The following NHSL2 variants were observed in gnomAD, a reference collection of about 807,000 sequenced individuals.
NHSL2 encodes NHS-like protein 2.
In NHSL2, 27 loss-of-function variants were observed where a neutral mutation model predicts 53.4. That is an observed-to-expected ratio of 0.51 (90% CI 0.37 to 0.70). The LOEUF (loss-of-function observed/expected upper bound fraction) is 0.70, where lower values mean the gene tolerates loss of function less well. Among genes scored for constraint, NHSL2 ranks in the 30% least tolerant of loss-of-function variants. The pLI is 0.00. For missense variants in NHSL2, 892 were observed against 980.1 expected, an observed-to-expected ratio of 0.91 and a Z score of 1.20; for synonymous variants, 408 against 404.1, an observed-to-expected ratio of 1.01 and a Z score of -0.12.
intron 1 of NHSL2, among the ~76,000 whole-genome samples, chrX:72,062,236 G>A (rs1172550945): frequency 1.8e-5 from 2 of 111,995 alleles, no homozygotes; most frequent in African/African-American, 6.5e-5. Flanking sequence ...TAGACCTGTG[G>A]CCTCCAAAGT....
At chrX:71,914,540 T>C (rs779061487) in intron 1 of NHSL2, among the ~76,000 whole-genome samples, 16 of 112,417 alleles carry the variant, frequency 1.4e-4, no homozygotes, top group Middle Eastern at 4.6e-3. Flanking sequence ...AGATGTTCTG[T>C]TGCTTCTTAC....
At chrX:72,088,028 C>T (rs1294562411) in intron 1 of NHSL2, among the ~76,000 whole-genome samples, 1 of 111,236 alleles carries the variant, frequency 9.0e-6, no homozygotes, top group Non-Finnish European at 1.9e-5. Flanking sequence ...GTCGGGAATT[C>T]GAGACCAGCC....
chrX:72,102,725 A>C (rs2042005345), intron 1 of NHSL2, among the ~76,000 whole-genome samples: 1 of 112,715 alleles, frequency 8.9e-6, no homozygotes, highest in African/African-American at 3.2e-5. Flanking sequence ...TTCTTGCAGT[A>C]TTAGTAATCC....
intron 1 of NHSL2, among the ~76,000 whole-genome samples, chrX:71,988,987 C>T (rs749339795): frequency 9.0e-6 from 1 of 111,075 alleles, no homozygotes; most frequent in East Asian, 2.8e-4. Context: ...TTTTGGTTAC[C>T]CCAGTAAGCT....
intron 1 of NHSL2, among the ~76,000 whole-genome samples, chrX:72,123,181 G>A (rs1211628243): frequency 8.9e-6 from 1 of 112,333 alleles, no homozygotes; most frequent in Non-Finnish European, 1.9e-5. Context: ...AATGGAGTGT[G>A]CAAAGGCCCA....
chrX:72,080,477 G>A (rs1031260293), intron 1 of NHSL2, among the ~76,000 whole-genome samples: 1 of 110,857 alleles, frequency 9.0e-6, no homozygotes, highest in African/African-American at 3.3e-5. Context: ...TTCATAATCG[G>A]ATGGCTTTGG....
intron 1 of NHSL2, among the ~76,000 whole-genome samples, chrX:71,934,317 G>A (rs2041727631): frequency 8.9e-6 from 1 of 112,239 alleles, no homozygotes; most frequent in Non-Finnish European, 1.9e-5. Context: ...CAGTGGTTAA[G>A]ATAATCCTTT....
At chrX:71,997,578 T>C (rs138624277) in intron 1 of NHSL2, among the ~76,000 whole-genome samples, 2 of 112,519 alleles carry the variant, frequency 1.8e-5, no homozygotes, top group Admixed American at 1.9e-4. Context: ...GGAGGCAGAA[T>C]AGCCTACTGG....
chrX:71,999,528 A>T, intron 1 of NHSL2, among the ~76,000 whole-genome samples: 1 of 112,231 alleles, frequency 8.9e-6, no homozygotes, highest in Non-Finnish European at 1.9e-5. Flanking sequence ...ATTGAGAGAC[A>T]TTCTACAAAA....
chrX:72,037,452 T>G (rs2042247532), intron 1 of NHSL2, among the ~76,000 whole-genome samples: 1 of 110,833 alleles, frequency 9.0e-6, no homozygotes, highest in Admixed American at 9.5e-5. Flanking sequence ...ACATGTAGGA[T>G]CTGGCCTACT....
At chrX:72,104,579 A>G (rs984608025) in intron 1 of NHSL2, among the ~76,000 whole-genome samples, 2 of 112,198 alleles carry the variant, frequency 1.8e-5, no homozygotes, top group Admixed American at 1.9e-4. Context: ...GTTTCTGAGC[A>G]GGAGGTTGCC....
chrX:72,127,664 C>CAGGTCCCCTCGAAGAATAGT (rs2042240320), intron 1 of NHSL2: 1 of 112,913 alleles, frequency 8.9e-6, no homozygotes, highest in Non-Finnish European at 1.9e-5. Context: ...CGAAGAATAG[C>CAGGTCCCCTCGAAGAATAGT]AGGTCCCCTT....
intron 1 of NHSL2, among the ~76,000 whole-genome samples, chrX:72,095,519 G>T (rs945992405): frequency 1.8e-5 from 2 of 112,451 alleles, no homozygotes; most frequent in African/African-American, 6.5e-5. Context: ...GGTCACTGTA[G>T]TTAGAGTAGT....
intron 1 of NHSL2, among the ~76,000 whole-genome samples, chrX:71,931,825 T>C (rs183679044): frequency 2.0e-3 from 221 of 112,992 alleles, no homozygotes; most frequent in Non-Finnish European, 3.6e-3. Context: ...GACGTGTTAG[T>C]CCTCCAACTT....
At chrX:71,959,153 G>T (rs1343560200) in intron 1 of NHSL2, among the ~76,000 whole-genome samples, 1 of 112,181 alleles carries the variant, frequency 8.9e-6, no homozygotes, top group Non-Finnish European at 1.9e-5. Flanking sequence ...GTATGGAGGG[G>T]TCTAGAAGTC....
rs1158782327 is a variant in NHSL2, at chrX:72,123,602, G to A, written c.281-8477G>A. Reference sequence around the variant, plus strand: ...GCCTCACAGCCAACAGGCCTCATCTGTATGATGCAAGAGGTGAAGGAGACC... The same window carrying A: ...GCCTCACAGCCAACAGGCCTCATCTATATGATGCAAGAGGTGAAGGAGACC... On this transcript the variant is annotated intron_variant, in intron 1 of 7. Transcript: ENST00000633930. Among the ~76,000 whole-genome samples the A allele has an allele frequency of 2.2e-4, 25 of 112,140 alleles. 1 individual carries two copies. The Admixed American group carries it at 2.3e-3, about 10-fold the overall frequency.
At chrX:71,973,651 G>A (rs1166451725) in intron 1 of NHSL2, among the ~76,000 whole-genome samples, 1 of 110,913 alleles carries the variant, frequency 9.0e-6, no homozygotes, top group African/African-American at 3.3e-5. Flanking sequence ...AGGAGTCCCT[G>A]ATCTTCTCAG....
intron 1 of NHSL2, chrX:72,079,814 G>A (rs2041774279): frequency 8.9e-6 from 1 of 112,887 alleles, no homozygotes; most frequent in African/African-American, 3.2e-5. Flanking sequence ...CGGGAGGTCA[G>A]CCCTCTGAGG....
At position 72,055,406 on chromosome X, in the gene NHSL2, A is replaced by G. The variant is rs149553888; in HGVS notation, c.281-76673A>G. ...TAGCCCAGAAATCGATTGACCTCCA[A>G]TTAGGTTTTTGTTGTTTTCTTGAGG... On this transcript the variant is annotated intron_variant, in intron 1 of 7. Coordinates refer to ENST00000633930, the MANE Select transcript of NHSL2 (RefSeq NM_001013627.3). Among the ~76,000 whole-genome samples, 655 of 112,292 alleles carry G rather than the reference A, an allele frequency of 5.8e-3. 4 individuals carry two copies. The highest frequency in any genetic ancestry group is 0.02 in the African/African-American group (620 of 30,867).
Sources: allele counts gnomAD v4.1 joint callset (sites outside exome capture counted in the v4.1 genomes callset), GRCh38; gene constraint gnomAD v4.1.1; transcripts MANE v1.5; gene names NCBI Gene and HGNC (gene_info 2026-07-23, HGNC 2026-07-21).